MTF1: variants seen among roughly 807,000 people sequenced by gnomAD.
MTF1 encodes MRE-binding transcription factor.
In MTF1, 22 loss-of-function variants were observed where a neutral mutation model predicts 70.4. The observed-to-expected ratio is 0.31, with a 90% confidence interval of 0.22 to 0.45. MTF1 has a LOEUF of 0.45. Ranked by LOEUF, MTF1 falls within the 20% of genes least tolerant of loss-of-function variation. The pLI is 1.00. For synonymous variants in MTF1, 333 were observed against 352.8 expected (o/e 0.94, Z 0.63); for missense variants, 649 against 922.0 (o/e 0.70, Z 3.83).
Position 37,810,214 on chromosome 1 carries a change from T to C in MTF1, c.*4922A>G, listed in dbSNP as rs1034931401. The C allele has an allele frequency of 1.3e-5, 2 of 152,614 alleles. No homozygotes were observed. The highest frequency in any genetic ancestry group is 4.8e-5 in the African/African-American group (2 of 41,550). The allele number at this position is 152,614 out of a possible 1,614,324, so 9.5% of individuals were successfully genotyped here. ...GCACACTACGAGGATAACAAGGATATTGCAAAAAACACCCCTGGGTTTTGG... is the reference window on the plus strand; with the variant it reads ...GCACACTACGAGGATAACAAGGATACTGCAAAAAACACCCCTGGGTTTTGG... On this transcript the variant is annotated 3_prime_UTR_variant, in exon 11 of 11. Transcript: ENST00000373036.
chr1:37,823,601 T>C, intron 8 of MTF1, 109 bp downstream of exon 8: 1 of 784,348 alleles, frequency 1.3e-6, no homozygotes, highest in Non-Finnish European at 2.1e-6. Context: ...TTTCTGACCC[T>C]TTATAGAAAG....
intron 2 of MTF1, among the ~76,000 whole-genome samples, chr1:37,850,720 TGG>T (rs1641405094): frequency 1.3e-5 from 2 of 152,058 alleles, no homozygotes. Flanking sequence ...AGGTTCTGGT[TGG>T]TTTATTTTTT....
At chr1:37,846,122 T>G in intron 2 of MTF1, among the ~76,000 whole-genome samples, 1 of 152,146 alleles carries the variant, frequency 6.6e-6, no homozygotes, top group East Asian at 1.9e-4. Context: ...ATCCTAAAAA[T>G]TATGTTCCAG....
chr1:37,813,994 CTT>C lies in MTF1; in HGVS notation c.*1140_*1141del, dbSNP rs774883286. On this transcript the variant is annotated 3_prime_UTR_variant, in exon 11 of 11. Transcript: ENST00000373036. ...AGTAGAAGATCATCGTTTTGTGTTT[CTT>C]TTTTTTTTTTTTTTAAATAAATCAC... 3.3e-4 allele frequency: 45 copies of C among 135,030 alleles called. No homozygotes were observed. Among genetic ancestry groups the C allele is most frequent in the Non-Finnish European group, 3.1e-4 (19 of 62,076 alleles). The allele number at this position is 135,030 out of a possible 1,614,324, so 8.4% of individuals were successfully genotyped here.
intron 9 of MTF1, among the ~76,000 whole-genome samples, chr1:37,818,997 CA>C (rs71891056): frequency 0.32 from 43,557 of 137,866 alleles, 6,327 homozygotes; most frequent in Middle Eastern, 0.4. Context: ...CGTGTCAAAA[CA>C]AAAAAAAAAA....
At chr1:37,830,031 G>A (rs1641063106) in intron 7 of MTF1, among the ~76,000 whole-genome samples, 2 of 152,024 alleles carry the variant, frequency 1.3e-5, no homozygotes, top group African/African-American at 4.8e-5. Context: ...GTGACCCTAG[G>A]GCTCCAGAAA....
At chr1:37,839,873 A>C (rs1641230044) in intron 3 of MTF1, 47 bp downstream of exon 3, 1 of 1,482,142 alleles carries the variant, frequency 6.7e-7, no homozygotes, top group African/African-American at 1.4e-5. Flanking sequence ...TGCCATCACA[A>C]CAAGGTCAAG....
rs912462594 is a variant in MTF1, at chr1:37,811,086, T to A, written c.*4050A>T. ...ATTACAAATATAAAAGTCTAGAAGGTGCCAGGTTTCTACCTAGGAACAATC... is the reference window on the plus strand; with the variant it reads ...ATTACAAATATAAAAGTCTAGAAGGAGCCAGGTTTCTACCTAGGAACAATC... On this transcript the variant is annotated 3_prime_UTR_variant, in exon 11 of 11. Coordinates refer to ENST00000373036, the MANE Select transcript of MTF1 (RefSeq NM_005955.3). 1.3e-5 allele frequency: 2 copies of A among 152,664 alleles called. No individual in the cohort carries two copies. The highest frequency in any genetic ancestry group is 4.8e-5 in the African/African-American group (2 of 41,460). The allele number at this position is 152,664 out of a possible 1,614,324, so 9.5% of individuals were successfully genotyped here.
At chr1:37,836,029 T>C (rs1641164499) in intron 4 of MTF1, among the ~76,000 whole-genome samples, 1 of 152,186 alleles carries the variant, frequency 6.6e-6, no homozygotes, top group African/African-American at 2.4e-5. Flanking sequence ...CTCGATCTCC[T>C]GACCTTGTGA....
chr1:37,840,342 C>T lies in MTF1; in HGVS notation c.409-184G>A. ...TATTGTTGATCAAATCATACCTGGA[C>T]AACACATAATGATTTATGGGGAAGA... On this transcript the variant is annotated intron_variant, in intron 2 of 10. Transcript: ENST00000373036. The surrounding 1 kb of genome is among the most constrained non-coding windows in gnomAD (Gnocchi z 4.5). 1.6e-6 allele frequency: 1 copy of T among 612,002 alleles called. No homozygotes were observed. The allele number at this position is 612,002 out of a possible 1,614,324, so 37.9% of individuals were successfully genotyped here. A position where few individuals can be genotyped will look rare whatever the true frequency, so the allele number is the denominator to read the frequency against.
chr1:37,856,479 T>C, intron 2 of MTF1, among the ~76,000 whole-genome samples: 1 of 148,434 alleles, frequency 6.7e-6, no homozygotes, highest in South Asian at 2.2e-4. Flanking sequence ...TGAGCCACTG[T>C]GCCCAGCCTG....
At position 37,810,558 on chromosome 1, in the gene MTF1, C is replaced by T. The variant is rs1640704988; in HGVS notation, c.*4578G>A. ...AATACAGGACTGTTTCCCTCTCTCC[C>T]TAAAAAACATGCAAGAGGAAACAGG... On this transcript the variant is annotated 3_prime_UTR_variant, in exon 11 of 11. Transcript: ENST00000373036. 1 of 152,164 alleles carries T rather than the reference C, an allele frequency of 6.6e-6. No individual in the cohort carries two copies. Among genetic ancestry groups the T allele is most frequent in the African/African-American group, 2.4e-5 (1 of 41,446 alleles). The allele number at this position is 152,164 out of a possible 1,614,324, so 9.4% of individuals were successfully genotyped here.
chr1:37,819,829 G>T (rs1026761450), intron 9 of MTF1, among the ~76,000 whole-genome samples: 2 of 152,006 alleles, frequency 1.3e-5, no homozygotes, highest in Non-Finnish European at 2.9e-5. Context: ...GTGCATGCCT[G>T]TAGTCCCAGC....
chr1:37,812,298 T>A lies in MTF1; in HGVS notation c.*2838A>T, dbSNP rs542200516. On this transcript the variant is annotated 3_prime_UTR_variant, in exon 11 of 11. Coordinates refer to ENST00000373036, the MANE Select transcript of MTF1 (RefSeq NM_005955.3). The stretch of plus-strand genomic sequence containing the variant: ...AGGTCCTCGGCACTAGAGACCAGGC[T>A]TATGGAAGGACAGGTAGGAAAAGAG... The A allele has an allele frequency of 4.6e-5, 7 of 152,266 alleles. No homozygotes were observed. In the South Asian group the frequency reaches 1.5e-3, roughly 32 times the overall value. The allele number at this position is 152,266 out of a possible 1,614,324, so 9.4% of individuals were successfully genotyped here. A position where few individuals can be genotyped will look rare whatever the true frequency, so the allele number is the denominator to read the frequency against.
At chr1:37,833,916 T>G (rs1416751422) in intron 6 of MTF1, among the ~76,000 whole-genome samples, 1 of 151,978 alleles carries the variant, frequency 6.6e-6, no homozygotes, top group Non-Finnish European at 1.5e-5. Context: ...AAGAGGACCA[T>G]ATGGCTGAAG....
At position 37,826,422 on chromosome 1, in the gene MTF1, A is replaced by G. The variant is rs1346584660; in HGVS notation, c.1069-2610T>C. ...AGACCTCCCAAGTAGCTGGGACTAC[A>G]GGCGCACGCCACCATGCCTGGCTGC... On this transcript the variant is annotated intron_variant, in intron 7 of 10. Coordinates refer to ENST00000373036, the MANE Select transcript of MTF1 (RefSeq NM_005955.3). 6 of 348,774 alleles carry G rather than the reference A, an allele frequency of 1.7e-5. No homozygotes were observed. In the East Asian group the frequency reaches 5.3e-4, roughly 31 times the overall value. The allele number at this position is 348,774 out of a possible 1,614,324, so 21.6% of individuals were successfully genotyped here.
intron 8 of MTF1, 114 bp from the exon 9 acceptor site, chr1:37,822,830 T>G (rs1023891749): frequency 1.0e-5 from 7 of 689,924 alleles, no homozygotes; most frequent in Admixed American, 8.6e-5. Context: ...AGCTGATCTC[T>G]TCATAGCTAG....
At chr1:37,828,623 C>T (rs1361285138) in intron 7 of MTF1, among the ~76,000 whole-genome samples, 2 of 152,056 alleles carry the variant, frequency 1.3e-5, no homozygotes, top group African/African-American at 2.4e-5. Context: ...TCTTTTTGAC[C>T]GGGGTGCTGG....
At chr1:37,819,002 A>C (rs1209121843) in intron 9 of MTF1, among the ~76,000 whole-genome samples, 1 of 151,946 alleles carries the variant, frequency 6.6e-6, no homozygotes, top group Non-Finnish European at 1.5e-5. Flanking sequence ...CAAAACAAAA[A>C]AAAAAAAATG....
Sources: allele counts gnomAD v4.1 joint callset (sites outside exome capture counted in the v4.1 genomes callset), GRCh38; gene constraint gnomAD v4.1.1; non-coding constraint Gnocchi (gnomAD v3.1); transcripts MANE v1.5; gene names NCBI Gene and HGNC (gene_info 2026-07-23, HGNC 2026-07-21).